NEBL: variants seen among roughly 807,000 people sequenced by gnomAD.
NEBL encodes LIM and SH3 protein 2.
In NEBL, 122 loss-of-function variants were observed where a neutral mutation model predicts 140.2. The ratio of observed to expected loss-of-function variants is 0.87; its 90% CI spans 0.75 to 1.01. The LOEUF is 1.01. NEBL is among the 50% of genes least tolerant of loss of function. The pLI, the probability that NEBL is intolerant of heterozygous loss-of-function variation, is 0.00. For missense variants in NEBL, 1,365 were observed against 1,231.3 expected, an observed-to-expected ratio of 1.11 and a Z score of -1.62; for synonymous variants, 436 against 398.9, an observed-to-expected ratio of 1.09 and a Z score of -1.11.
intron 2 of NEBL, among the ~76,000 whole-genome samples, chr10:21,088,659 C>G (rs1836764582): frequency 6.6e-6 from 1 of 152,158 alleles, no homozygotes; most frequent in South Asian, 2.1e-4. Context: ...CTGTAAAAGA[C>G]AGAGTGCAGG....
chr10:21,164,308 C>G (rs1840672460), intron 2 of NEBL, among the ~76,000 whole-genome samples: 1 of 152,154 alleles, frequency 6.6e-6, no homozygotes, highest in Admixed American at 6.5e-5. Flanking sequence ...TAAAGGAGTT[C>G]TAAGCCCTCG....
chr10:20,982,874 T>C (rs1837109424), intron 3 of NEBL, among the ~76,000 whole-genome samples: 1 of 152,200 alleles, frequency 6.6e-6, no homozygotes, highest in Non-Finnish European at 1.5e-5. Flanking sequence ...ATGCCAAGTT[T>C]TACATGGGTT....
intron 2 of NEBL, among the ~76,000 whole-genome samples, chr10:21,135,434 TAA>T (rs35676602): frequency 8.2e-5 from 11 of 134,818 alleles, no homozygotes; most frequent in African/African-American, 1.4e-4. Context: ...TCAGTGGAGA[TAA>T]AAAAAAAAAA....
intron 2 of NEBL, among the ~76,000 whole-genome samples, chr10:21,157,796 G>C (rs1840393528): frequency 1.3e-5 from 2 of 152,196 alleles, no homozygotes; most frequent in African/African-American, 4.8e-5. Flanking sequence ...TTGGAGATAG[G>C]GTCTTTGCTG....
intron 2 of NEBL, chr10:21,029,567 G>C (rs1674546786): frequency 5.6e-6 from 9 of 1,599,520 alleles, no homozygotes; most frequent in Non-Finnish European, 6.0e-6. Flanking sequence ...GATAGAAATC[G>C]GGATTCTGAC....
At chr10:21,196,819 A>T (rs907930313) in intron 3 of NEBL, among the ~76,000 whole-genome samples, 1 of 152,232 alleles carries the variant, frequency 6.6e-6, no homozygotes, top group Non-Finnish European at 1.5e-5. Context: ...ACTTTGACCC[A>T]GTCTATGTCA....
rs114174978 is a variant in NEBL, at chr10:20,948,568, A to C, written c.357+13104T>G. Among the ~76,000 whole-genome samples the C allele has an allele frequency of 9.9e-3, 1,505 of 152,326 alleles. 17 individuals carry two copies. The highest frequency in any genetic ancestry group is 0.033 in the African/African-American group (1,355 of 41,572). Reference sequence around the variant, plus strand: ...CAATAAAGGCACAGGGGTGGACAAGAACAAGTTTTGGAGAAAATGAGGGGA... The same window carrying C: ...CAATAAAGGCACAGGGGTGGACAAGCACAAGTTTTGGAGAAAATGAGGGGA... On this transcript the variant is annotated intron_variant, in intron 4 of 6. Transcript: ENST00000417816.
At chr10:21,232,946 G>A (rs1370763438) in intron 3 of NEBL, among the ~76,000 whole-genome samples, 1 of 152,146 alleles carries the variant, frequency 6.6e-6, no homozygotes, top group Non-Finnish European at 1.5e-5. Flanking sequence ...GTGAAAAGTA[G>A]TCAATCTCAG....
intron 3 of NEBL, among the ~76,000 whole-genome samples, chr10:21,192,832 CAAA>C (rs75720730): frequency 2.2e-5 from 2 of 91,812 alleles, no homozygotes; most frequent in African/African-American, 4.2e-5. Context: ...TGACAGGCCT[CAAA>C]AAAAAAAAAA....
At chr10:20,943,734 T>A (rs1178989818) in intron 4 of NEBL, among the ~76,000 whole-genome samples, 1 of 152,224 alleles carries the variant, frequency 6.6e-6, no homozygotes, top group South Asian at 2.1e-4. Context: ...AGTCCTCGAT[T>A]CCTTACACAC....
chr10:20,792,693 G>C (rs1489943092), intron 26 of NEBL, among the ~76,000 whole-genome samples: 1 of 152,050 alleles, frequency 6.6e-6, no homozygotes, highest in Non-Finnish European at 1.5e-5. Flanking sequence ...CCAGCTACTT[G>C]GGAGGCTGAG....
At chr10:20,954,461 G>A (rs1160298191) in intron 4 of NEBL, among the ~76,000 whole-genome samples, 1 of 152,226 alleles carries the variant, frequency 6.6e-6, no homozygotes, top group Non-Finnish European at 1.5e-5. Context: ...CTGACTGTCA[G>A]AGCAGCTAGG....
At chr10:21,249,398 T>C (rs983599988) in intron 2 of NEBL, among the ~76,000 whole-genome samples, 10 of 152,288 alleles carry the variant, frequency 6.6e-5, no homozygotes, top group Admixed American at 4.6e-4. Flanking sequence ...ATTCAATTTG[T>C]CTATTTTTCT....
chr10:21,104,846 C>T (rs997946537), intron 2 of NEBL, among the ~76,000 whole-genome samples: 3 of 152,122 alleles, frequency 2.0e-5, no homozygotes, highest in African/African-American at 2.4e-5. Flanking sequence ...TCAAGTAAGA[C>T]GTTAGCTTTA....
upstream of NEBL, among the ~76,000 whole-genome samples, chr10:21,179,366 T>C (rs1841351803): frequency 6.6e-6 from 1 of 152,140 alleles, no homozygotes; most frequent in South Asian, 2.1e-4. Context: ...AGGTCCTGCA[T>C]ACCACTGAGG....
chr10:21,254,236 C>T lies in NEBL; in HGVS notation n.183-2408G>A, dbSNP rs148314371. Among the ~76,000 whole-genome samples, 386 of 152,142 alleles carry T rather than the reference C, an allele frequency of 2.5e-3. 3 individuals are homozygous for T. The highest frequency in any genetic ancestry group is 8.7e-3 in the African/African-American group (361 of 41,488). ...CACTGCAGCCTTGAACCACTGGGCT[C>T]AAGTGATCCTCCCATCTCAGCCTTC... On this transcript the variant is annotated intron_variant and non_coding_transcript_variant, in intron 1 of 8. Transcript: ENST00000675702.
At chr10:20,973,818 C>T (rs750404394) in intron 3 of NEBL, among the ~76,000 whole-genome samples, 6 of 152,186 alleles carry the variant, frequency 3.9e-5, no homozygotes, top group African/African-American at 7.2e-5. Context: ...TCTAAGACAT[C>T]AAACTTTAGA....
chr10:21,087,358 G>A (rs776172599), intron 2 of NEBL, among the ~76,000 whole-genome samples: 1 of 152,078 alleles, frequency 6.6e-6, no homozygotes, highest in Non-Finnish European at 1.5e-5. Flanking sequence ...ACATAATTAA[G>A]CTTTTTTTTA....
intron 18 of NEBL, 54 bp from the exon 19 acceptor site, chr10:20,823,354 A>G: frequency 7.7e-7 from 1 of 1,298,776 alleles, no homozygotes; most frequent in Non-Finnish European, 1.1e-6. Context: ...AGGCTTTAAA[A>G]TATTGAGAAT....
Sources: gnomAD v4.1 joint callset for allele counts (sites outside exome capture counted in the v4.1 genomes callset) on GRCh38, gnomAD v4.1.1 for gene constraint, MANE v1.5 for transcripts, NCBI Gene and HGNC (gene_info 2026-07-23, HGNC 2026-07-21) for gene names.